Variants in GDF5 observed in about 807,000 individuals in gnomAD.
The protein encoded by GDF5 is growth differentiation factor 5.
In GDF5, 17 loss-of-function variants were observed where a neutral mutation model predicts 34.6. The observed-to-expected ratio is 0.49, with a 90% CI of 0.34 to 0.74. GDF5 has a LOEUF of 0.74. GDF5 is among the 30% of genes least tolerant of loss of function. The pLI is 0.01. For missense variants in GDF5, 616 were observed against 661.2 expected (o/e 0.93, Z 0.75); for synonymous variants, 332 against 290.7 (o/e 1.14, Z -1.44).
chr20:35,450,002 A>AG (rs1555824714), intron 1 of GDF5, among the ~76,000 whole-genome samples: 15 of 150,598 alleles, frequency 1.0e-4, no homozygotes, highest in Non-Finnish European at 1.8e-4. Context: ...AAAAAAAAAA[A>AG]AGAGAGAGAG....
chr20:35,453,125 C>A (rs2062540121), intron 1 of GDF5, among the ~76,000 whole-genome samples: 1 of 152,114 alleles, frequency 6.6e-6, no homozygotes, highest in Non-Finnish European at 1.5e-5. Flanking sequence ...TGGCGGGCAC[C>A]TGTGGTTCCA....
rs1488954053 is a variant in GDF5 at position 35,447,960 on chromosome 20, A to AT, written c.-397-6574_-397-6573insA. ...CACAAGCCCGTCTCTATAAAATAAA[A>AT]AAAAAATTTAAACACCTTTTTATCG... On this transcript the variant is annotated intron_variant, in intron 1 of 3. Transcript: ENST00000374372. Among the ~76,000 whole-genome samples the AT allele has an allele frequency of 2.6e-5, 4 of 152,042 alleles. No individual in the cohort carries two copies. In the East Asian group the frequency reaches 7.7e-4, roughly 29 times the overall value.
At chr20:35,437,196 C>A in intron 1 of GDF5, 102 bp downstream of exon 1, 1 of 853,874 alleles carries the variant, frequency 1.2e-6, no homozygotes, top group Non-Finnish European at 1.9e-6. Context: ...GCCAGATGCA[C>A]ACAGTGTCTC....
At position 35,437,561 on chromosome 20, in the gene GDF5, G is replaced by A. The variant is rs757180532; in HGVS notation, c.368C>T (p.Thr123Ile). The change falls in exon 1 of 2, where the codon ACC becomes ATC. Residue 123 changes from threonine (T) to isoleucine (I), a missense_variant. Physicochemically the swap from Thr to Ile is moderately conservative, Grantham distance 89. Coordinates refer to ENST00000374369, the MANE Select transcript of GDF5 (RefSeq NM_000557.5). ...GCCTCCGGGAAGCTGTCCTTTTGGG[G>A]TCACAGTCCGGGCTGTAGCCTGCCT... ...QTRQATARTV[T>I]PKGQLPGGKA... is the part of the protein sequence containing the mutation. The A allele has an allele frequency of 1.2e-6, 2 of 1,614,080 alleles. No individual in the cohort carries two copies. The highest frequency in any genetic ancestry group is 1.3e-5 in the African/African-American group (1 of 74,932).
At chr20:35,449,638 A>G (rs1218981691) in intron 1 of GDF5, among the ~76,000 whole-genome samples, 1 of 152,138 alleles carries the variant, frequency 6.6e-6, no homozygotes, top group Non-Finnish European at 1.5e-5. Context: ...CTCCCAGTGC[A>G]TAACTCAACT....
In GDF5 at chr20:35,434,267, G is replaced by C. The variant is rs149633982; in HGVS notation, c.1148C>G (p.Pro383Arg). ...TCGCTTGCCCTGGCGAGTGGCCAGT[G>C]GGGCCCGCCGTTTTCGCCGCTGGCT... Reference protein sequence around the residue: ...LFSQRRKRRAPLATRQGKRPS... With the variant: ...LFSQRRKRRARLATRQGKRPS... The change falls in exon 2 of 2, where the codon CCA (proline) becomes CGA (arginine). Residue 383 changes from proline (P) to arginine (R), a missense_variant. Physicochemically the swap from Pro to Arg is moderately radical, Grantham distance 103 (BLOSUM62 -2). Coordinates refer to ENST00000374369, the MANE Select transcript of GDF5 (RefSeq NM_000557.5). 1 of 1,613,864 alleles carries C rather than the reference G, an allele frequency of 6.2e-7. No individual in the cohort carries two copies. The highest frequency in any genetic ancestry group is 8.5e-7 in the Non-Finnish European group (1 of 1,180,044).
chr20:35,435,382 G>T (rs1233283456), intron 1 of GDF5: 3 of 138,448 alleles, frequency 2.2e-5, no homozygotes, highest in Non-Finnish European at 4.5e-5. Context: ...CCCCAGGGAG[G>T]TCAAGGCTTC....
At chr20:35,441,871 T>C (rs947544996), upstream of GDF5, among the ~76,000 whole-genome samples, 8 of 152,112 alleles carry the variant, frequency 5.3e-5, no homozygotes, top group African/African-American at 1.9e-4. Flanking sequence ...GTGGTTTTCA[T>C]TGTTGTTTTT....
chr20:35,433,883 C>T lies in GDF5; in HGVS notation c.*26G>A. On this transcript the variant is annotated 3_prime_UTR_variant, in exon 2 of 2. Transcript: ENST00000374369. The stretch of plus-strand genomic sequence containing the variant: ...AGGAAGGGGCTCTTGGGATGTGCCA[C>T]CCAGGAAGACAGAGGGCCAGTGCTG... 1 of 1,605,468 alleles carries T rather than the reference C, an allele frequency of 6.2e-7. No individual in the cohort carries two copies. The highest frequency in any genetic ancestry group is 8.5e-7 in the Non-Finnish European group (1 of 1,172,250).
At chr20:35,443,928 T>C (rs2062506186) in intron 1 of GDF5, among the ~76,000 whole-genome samples, 1 of 152,178 alleles carries the variant, frequency 6.6e-6, no homozygotes, top group African/African-American at 2.4e-5. Context: ...TGGCTTCCCA[T>C]TCATGATGCT....
chr20:35,442,717 T>G (rs1429017776), upstream of GDF5, among the ~76,000 whole-genome samples: 6 of 151,558 alleles, frequency 4.0e-5, no homozygotes, highest in Non-Finnish European at 4.4e-5. Context: ...GCTAATTTTT[T>G]GTATTTTTGT....
intron 1 of GDF5, among the ~76,000 whole-genome samples, chr20:35,445,751 C>A (rs976149463): frequency 6.6e-6 from 1 of 151,442 alleles, no homozygotes; most frequent in Non-Finnish European, 1.5e-5. Flanking sequence ...GGGCAGATCA[C>A]CTGAGGTTGT....
In GDF5 at chr20:35,434,027, G is replaced by C; in HGVS notation, c.1388C>G (p.Pro463Arg). The part of the protein sequence containing the change: ...MNSMDPESTP[P>R]TCCVPTRLSP... ...CAGCCGCGTGGGCACACAGCAGGTG[G>C]GTGGTGTGGACTCGGGGTCCATGGA... is the stretch of plus-strand genomic sequence containing the variant. Residue 463 changes from proline to arginine, a missense_variant, in exon 2 of 2, where the codon CCC (proline) becomes CGC (arginine). Physicochemically the swap from Pro to Arg is moderately radical, Grantham distance 103 (BLOSUM62 -2). Transcript: ENST00000374369. 1 of 1,614,126 alleles carries C rather than the reference G, an allele frequency of 6.2e-7. No individual in the cohort carries two copies. The highest frequency in any genetic ancestry group is 1.1e-5 in the South Asian group (1 of 91,082).
chr20:35,437,608 C>CTTGTTTG lies in GDF5; in HGVS notation c.320_321insCAAACAA (p.Lys107AsnfsTer80). On this transcript the variant is annotated frameshift_variant, in exon 1 of 2. Transcript: ENST00000374369. LOFTEE classifies it high-confidence loss of function. ...GCCTTGTTTGGGGAGGGTGTCCTGG[C>CTTGTTTG]TTGGGTTCAGGGCCGCCCGGTCTGG... 6.2e-7 allele frequency: 1 copy of CTTGTTTG among 1,614,118 alleles called. No homozygotes were observed. Among genetic ancestry groups the CTTGTTTG allele is most frequent in the Non-Finnish European group, 8.5e-7 (1 of 1,180,016 alleles).
At chr20:35,451,052 A>AT (rs1483480159) in intron 1 of GDF5, among the ~76,000 whole-genome samples, 1,194 of 22,682 alleles carry the variant, frequency 0.053, 38 homozygotes, top group Middle Eastern at 0.095. Flanking sequence ...GAAAAAAAAA[A>AT]AAAAAAAAAA....
At chr20:35,448,118 T>C (rs2062519456) in intron 1 of GDF5, among the ~76,000 whole-genome samples, 1 of 152,222 alleles carries the variant, frequency 6.6e-6, no homozygotes, top group South Asian at 2.1e-4. Context: ...CCAATCTCTC[T>C]AATCACAGGA....
rs749925098 is a variant in GDF5, at chr20:35,453,948, A to G, written c.-398+692T>C. ...CTCACAATCTCATGCAGCGCTTCCTAAAACGTGTTCCCAATTATCAGAATC... is the reference window on the plus strand; with the variant it reads ...CTCACAATCTCATGCAGCGCTTCCTGAAACGTGTTCCCAATTATCAGAATC... On this transcript the variant is annotated intron_variant, in intron 1 of 3. Transcript: ENST00000374372. 7.5e-6 allele frequency: 4 copies of G among 534,470 alleles called. No homozygotes were observed. The East Asian group carries it at 2.2e-4, about 29-fold the overall frequency. 33.1% of individuals were successfully genotyped at this position (534,470 alleles called of 1,614,324 possible).
At chr20:35,450,590 A>G (rs924676772) in intron 1 of GDF5, among the ~76,000 whole-genome samples, 4 of 152,040 alleles carry the variant, frequency 2.6e-5, no homozygotes, top group African/African-American at 9.7e-5. Context: ...ATCCATCATC[A>G]AAGCATCATG....
At chr20:35,448,397 CAAAAAAAA>C (rs143351308) in intron 1 of GDF5, among the ~76,000 whole-genome samples, 1 of 110,526 alleles carries the variant, frequency 9.0e-6, no homozygotes, top group Non-Finnish European at 1.7e-5. Flanking sequence ...TTGTTTTTTT[CAAAAAAAA>C]AAAAAAAAAT....
Sources: allele counts gnomAD v4.1 joint callset (sites outside exome capture counted in the v4.1 genomes callset), GRCh38; gene constraint gnomAD v4.1.1; transcripts MANE v1.5; gene names NCBI Gene and HGNC (gene_info 2026-07-23, HGNC 2026-07-21).